The following PIGL variants were observed in gnomAD, a reference collection of about 807,000 sequenced individuals.
PIGL encodes the protein N-acetylglucosaminyl-phosphatidylinositol de-N-acetylase.
PIGL carries 22 observed loss-of-function variants against 31.1 expected under a neutral mutation model. That is an observed-to-expected ratio of 0.71 (90% CI 0.51 to 1.01). The LOEUF is 1.01. Ranked by LOEUF, PIGL falls within the 50% of genes least tolerant of loss-of-function variation. The pLI, the probability that PIGL is intolerant of heterozygous loss-of-function variation, is 0.00. For synonymous variants in PIGL, 131 were observed against 117.4 expected, an observed-to-expected ratio of 1.12 and a Z score of -0.75; for missense variants, 302 against 315.9, an observed-to-expected ratio of 0.96 and a Z score of 0.33.
At chr17:16,239,910 A>C (rs1341947779) in intron 2 of PIGL, among the ~76,000 whole-genome samples, 1 of 152,048 alleles carries the variant, frequency 6.6e-6, no homozygotes. Context: ...GTGGGCCACC[A>C]TGCCTGGCTT....
chr17:16,317,370 T>G, intron 5 of PIGL: 1 of 952,872 alleles, frequency 1.0e-6, no homozygotes, highest in East Asian at 9.1e-5. Flanking sequence ...ATTTACAGAT[T>G]AGAAAACTGA....
At chr17:16,217,518 T>A in intron 1 of PIGL, 57 bp downstream of exon 1, 4 of 1,357,448 alleles carry the variant, frequency 2.9e-6, no homozygotes, top group Non-Finnish European at 4.2e-6. Context: ...ATTTAAGTGC[T>A]AACCGATCTC....
intron 2 of PIGL, among the ~76,000 whole-genome samples, chr17:16,299,039 T>G (rs1045687434): frequency 1.5e-4 from 22 of 146,404 alleles, no homozygotes; most frequent in African/African-American, 5.6e-4. Flanking sequence ...GAAAAATACA[T>G]AAATAAATAA....
intron 2 of PIGL, among the ~76,000 whole-genome samples, chr17:16,261,779 T>C (rs1332683970): frequency 6.6e-6 from 1 of 152,046 alleles, no homozygotes; most frequent in Non-Finnish European, 1.5e-5. Context: ...TTTTTTTGTA[T>C]TTTTTGTAGA....
chr17:16,291,775 GA>G (rs2092961852), intron 2 of PIGL, among the ~76,000 whole-genome samples: 2 of 151,248 alleles, frequency 1.3e-5, no homozygotes, highest in Non-Finnish European at 2.9e-5. Flanking sequence ...TGAAGCAGAA[GA>G]ATCACTTGAA....
chr17:16,321,082 C>T (rs141125271), intron 6 of PIGL, among the ~76,000 whole-genome samples: 1,630 of 151,790 alleles, frequency 0.011, 29 homozygotes, highest in African/African-American at 0.037. Flanking sequence ...GGACTACAGG[C>T]GCATGCCACC....
chr17:16,276,596 G>T (rs2092896685), intron 2 of PIGL, among the ~76,000 whole-genome samples: 4 of 152,164 alleles, frequency 2.6e-5, no homozygotes, highest in Non-Finnish European at 5.9e-5. Context: ...AACTGGGCAG[G>T]CGTGGTGGCG....
intron 2 of PIGL, among the ~76,000 whole-genome samples, chr17:16,262,716 A>G (rs914364099): frequency 6.6e-6 from 1 of 152,192 alleles, no homozygotes; most frequent in Non-Finnish European, 1.5e-5. Context: ...TTTCTAGGTA[A>G]ATGCCTAAAA....
intron 2 of PIGL, among the ~76,000 whole-genome samples, chr17:16,252,100 A>C (rs1465153427): frequency 1.7e-5 from 2 of 115,202 alleles, no homozygotes; most frequent in Admixed American, 8.2e-5. Context: ...GTTGAGACAG[A>C]GTCTCGCTCT....
chr17:16,235,221 C>G (rs1017458854), intron 2 of PIGL, among the ~76,000 whole-genome samples: 8 of 152,148 alleles, frequency 5.3e-5, no homozygotes, highest in African/African-American at 1.9e-4. Context: ...CAGTCCATAT[C>G]AGAATTTCTT....
At position 16,275,271 on chromosome 17, in the gene PIGL, G is replaced by C. The variant is rs181169546; in HGVS notation, c.336-24617G>C. On this transcript the variant is annotated intron_variant, in intron 2 of 6. Coordinates refer to ENST00000225609, the MANE Select transcript of PIGL (RefSeq NM_004278.4). ...TTGCTATGGCATTTGTAAACTGTCA[G>C]TGGCACTGGTGGGAGTGTCTTTTAG... Among the ~76,000 whole-genome samples the C allele has an allele frequency of 3.4e-3, 514 of 152,304 alleles. 4 individuals carry two copies. Among genetic ancestry groups the C allele is most frequent in the Non-Finnish European group, 3.4e-3 (231 of 68,022 alleles).
chr17:16,322,541 G>C (rs1394198820), intron 6 of PIGL, among the ~76,000 whole-genome samples: 2 of 151,846 alleles, frequency 1.3e-5, no homozygotes, highest in Admixed American at 6.6e-5. Context: ...TTCTCCTATT[G>C]TCATTTAATT....
At chr17:16,268,572 C>T (rs2092855646) in intron 2 of PIGL, among the ~76,000 whole-genome samples, 2 of 152,140 alleles carry the variant, frequency 1.3e-5, no homozygotes, top group South Asian at 4.1e-4. Flanking sequence ...CCTTAGCCTC[C>T]TGAGTAGCTG....
intron 2 of PIGL, among the ~76,000 whole-genome samples, chr17:16,262,146 C>T (rs2142751176): frequency 6.6e-6 from 1 of 152,154 alleles, no homozygotes; most frequent in East Asian, 2.0e-4. Flanking sequence ...TCACTTGAAC[C>T]CGGGAAGCAG....
intron 2 of PIGL, among the ~76,000 whole-genome samples, chr17:16,299,454 AAAC>A (rs887382339): frequency 6.6e-6 from 1 of 152,192 alleles, no homozygotes; most frequent in African/African-American, 2.4e-5. Flanking sequence ...AAAAAGAAAA[AAAC>A]AAAACAAAAC....
intron 3 of PIGL, among the ~76,000 whole-genome samples, chr17:16,306,521 T>A (rs940034026): frequency 1.6e-5 from 2 of 121,774 alleles, no homozygotes. Flanking sequence ...AGTTATACGA[T>A]CTTTTTTTTT....
Position 16,217,364 on chromosome 17 carries a change from C to G in PIGL, c.138C>G (p.Val46=). The change falls in exon 1 of 7, where the codon GTC becomes GTG. Residue 46 remains valine, a synonymous_variant. Coordinates refer to ENST00000225609, the MANE Select transcript of PIGL (RefSeq NM_004278.4). ...GAGCCGAAAGCCGGACCCTGCTGGTCATAGCGCACCCTGACGATGAAGCCA... is the reference window on the plus strand; with the variant it reads ...GAGCCGAAAGCCGGACCCTGCTGGTGATAGCGCACCCTGACGATGAAGCCA... ...RLGAESRTLL[V]IAHPDDEAMF... 2 of 1,614,190 alleles carry G rather than the reference C, an allele frequency of 1.2e-6. No individual in the cohort carries two copies. Among genetic ancestry groups the G allele is most frequent in the Non-Finnish European group, 1.7e-6 (2 of 1,180,042 alleles).
At chr17:16,313,496 A>G (rs775678435) in intron 3 of PIGL, 51 bp from the exon 4 acceptor site, 2 of 1,281,948 alleles carry the variant, frequency 1.6e-6, no homozygotes, top group Non-Finnish European at 1.1e-6. Flanking sequence ...GCTCCATTGA[A>G]GTTGAGGTGG....
intron 1 of PIGL, among the ~76,000 whole-genome samples, chr17:16,223,127 A>G (rs2092636852): frequency 6.6e-6 from 1 of 152,222 alleles, no homozygotes; most frequent in Non-Finnish European, 1.5e-5. Flanking sequence ...AACATCTTTG[A>G]GAAGCATTGC....
Sources: gnomAD v4.1 joint callset for allele counts (sites outside exome capture counted in the v4.1 genomes callset) on GRCh38, gnomAD v4.1.1 for gene constraint, MANE v1.5 for transcripts, NCBI Gene and HGNC (gene_info 2026-07-23, HGNC 2026-07-21) for gene names.